TTC6: variants seen among roughly 807,000 people sequenced by gnomAD.
TTC6 encodes tetratricopeptide repeat protein 6.
TTC6 carries 172 observed loss-of-function variants against 210.4 expected under a neutral mutation model. The observed-to-expected ratio is 0.82, with a 90% CI of 0.72 to 0.93. The LOEUF is 0.93. Among genes scored for constraint, TTC6 ranks in the 40% least tolerant of loss-of-function variants. TTC6 has a pLI of 0.00. For synonymous variants in TTC6, 804 were observed against 819.6 expected (o/e 0.98, Z 0.32); for missense variants, 2,414 against 2,318.1 (o/e 1.04, Z -0.85).
intron 1 of TTC6, among the ~76,000 whole-genome samples, chr14:37,650,822 A>G (rs2095709909): frequency 6.6e-6 from 1 of 152,232 alleles, no homozygotes; most frequent in Admixed American, 6.5e-5. Flanking sequence ...AAATCAGAAT[A>G]AAAAATAACA....
At chr14:37,617,465 T>C (rs1358777394), upstream of TTC6, among the ~76,000 whole-genome samples, 1 of 152,194 alleles carries the variant, frequency 6.6e-6, no homozygotes, top group African/African-American at 2.4e-5. Flanking sequence ...TTTCTCTATT[T>C]TCTATATCCT....
intron 14 of TTC6, among the ~76,000 whole-genome samples, chr14:37,780,374 G>C (rs1410525612): frequency 6.6e-6 from 1 of 152,116 alleles, no homozygotes; most frequent in Non-Finnish European, 1.5e-5. Context: ...GTATCCATTA[G>C]CGATTCTTCC....
chr14:37,661,632 A>T (rs938376835), intron 1 of TTC6, among the ~76,000 whole-genome samples: 1 of 152,120 alleles, frequency 6.6e-6, no homozygotes, highest in African/African-American at 2.4e-5. Context: ...CTTTTCTCTT[A>T]GAATTGTCTT....
intron 1 of TTC6, among the ~76,000 whole-genome samples, chr14:37,677,954 T>G (rs1324704356): frequency 6.6e-6 from 1 of 152,258 alleles, no homozygotes; most frequent in East Asian, 1.9e-4. Flanking sequence ...ATATTTATAT[T>G]AGAAGTTTAA....
At chr14:37,806,323 C>T (rs901793323) in intron 21 of TTC6, 38 bp from the exon 24 acceptor site, 5 of 1,510,450 alleles carry the variant, frequency 3.3e-6, no homozygotes, top group Admixed American at 2.1e-5. Context: ...TATATTATAT[C>T]ACTAAATGGT....
chr14:37,742,087 T>C (rs1483850410), intron 10 of TTC6, among the ~76,000 whole-genome samples: 2 of 152,184 alleles, frequency 1.3e-5, no homozygotes, highest in Non-Finnish European at 2.9e-5. Context: ...TGCTAGCCTC[T>C]TGATCTCTAC....
chr14:37,745,201 T>C (rs189752164), intron 10 of TTC6, among the ~76,000 whole-genome samples: 1 of 151,984 alleles, frequency 6.6e-6, no homozygotes. Context: ...TGCCAGGAGG[T>C]GTGTTCATTG....
At chr14:37,697,514 A>G (rs1016356288) in intron 4 of TTC6, among the ~76,000 whole-genome samples, 1 of 152,072 alleles carries the variant, frequency 6.6e-6, no homozygotes, top group East Asian at 1.9e-4. Flanking sequence ...AGAAGCTTTA[A>G]TTATTAGCTT....
intron 17 of TTC6, among the ~76,000 whole-genome samples, chr14:37,793,397 A>G (rs1243840172): frequency 6.6e-6 from 1 of 152,228 alleles, no homozygotes; most frequent in African/African-American, 2.4e-5. Context: ...AAATTACTGT[A>G]TTAAAACAAA....
intron 1 of TTC6, among the ~76,000 whole-genome samples, chr14:37,637,895 T>C (rs148945761): frequency 1.3e-5 from 2 of 152,280 alleles, no homozygotes; most frequent in African/African-American, 2.4e-5. Flanking sequence ...GAATATAAGA[T>C]GACATAGCCA....
At chr14:37,615,986 G>A (rs2095642056) in intron 2 of TTC6, among the ~76,000 whole-genome samples, 1 of 152,200 alleles carries the variant, frequency 6.6e-6, no homozygotes, top group Non-Finnish European at 1.5e-5. Flanking sequence ...GTCATGTAGA[G>A]TCTAGGTTCT....
chr14:37,712,313 A>G (rs886932013), intron 5 of TTC6, among the ~76,000 whole-genome samples: 38 of 152,312 alleles, frequency 2.5e-4, no homozygotes, highest in African/African-American at 8.9e-4. Context: ...CTTCTTAGTC[A>G]CTGCTCTCCT....
intron 25 of TTC6, among the ~76,000 whole-genome samples, chr14:37,816,295 C>T (rs1338195302): frequency 2.0e-5 from 3 of 152,108 alleles, no homozygotes; most frequent in Non-Finnish European, 4.4e-5. Flanking sequence ...CCAATAACAG[C>T]AGAAAATTTA....
chr14:37,692,208 CAA>C (rs3062759), intron 3 of TTC6, among the ~76,000 whole-genome samples: 1 of 40,160 alleles, frequency 2.5e-5, no homozygotes, highest in Non-Finnish European at 3.9e-5. Flanking sequence ...AAAGACACAC[CAA>C]AAAAAAAAAA....
chr14:37,635,582 T>C (rs61988002), intron 1 of TTC6, among the ~76,000 whole-genome samples: 29,613 of 152,048 alleles, frequency 0.19, 3,290 homozygotes, highest in South Asian at 0.26. Context: ...TATTGGTAGG[T>C]TGAAAGTAAA....
chr14:37,777,942 G>A (rs182535686), intron 14 of TTC6, among the ~76,000 whole-genome samples: 1 of 152,086 alleles, frequency 6.6e-6, no homozygotes, highest in Admixed American at 6.5e-5. Context: ...GTGGTATTAG[G>A]TTTCTGTCTT....
rs1397876170 is a variant in TTC6 at position 37,718,214 on chromosome 14, C to G, written c.1713+3418C>G. Among the ~76,000 whole-genome samples, 4 of 152,146 alleles carry G rather than the reference C, an allele frequency of 2.6e-5. 1 individual carries two copies. In the East Asian group the frequency reaches 7.7e-4, roughly 29 times the overall value. ...ATTAAAAATACGTAAAAAGAATTAT[C>G]CACCAGGACTTTAGGGAATTATTCC... On this transcript the variant is annotated intron_variant, in intron 6 of 30. Coordinates refer to ENST00000553443, the Ensembl canonical transcript of TTC6.
chr14:37,838,875 C>T (rs988192389), intron 29 of TTC6, among the ~76,000 whole-genome samples: 24 of 152,200 alleles, frequency 1.6e-4, no homozygotes, highest in South Asian at 8.3e-4. Flanking sequence ...CATTGTTCAA[C>T]GCCCACTTAT....
At chr14:37,751,276 A>AT in intron 13 of TTC6, 51 bp downstream of exon 15, 16 of 1,332,000 alleles carry the variant, frequency 1.2e-5, no homozygotes, top group Middle Eastern at 1.9e-4. Context: ...AGATTGCGAT[A>AT]TCCTCATGCA....
Sources: allele counts gnomAD v4.1 joint callset (sites outside exome capture counted in the v4.1 genomes callset), GRCh38; gene constraint gnomAD v4.1.1; transcripts MANE v1.5; gene names NCBI Gene and HGNC (gene_info 2026-07-23, HGNC 2026-07-21).